AK9: variants seen among roughly 807,000 people sequenced by gnomAD.
AK9 encodes adenylate kinase domain containing 1.
A neutral mutation model predicts 239.6 loss-of-function variants in AK9; 191 were observed. The ratio of observed to expected loss-of-function variants is 0.80; its 90% CI spans 0.71 to 0.90. The LOEUF (loss-of-function observed/expected upper bound fraction) is 0.90. Among genes scored for constraint, AK9 ranks in the 40% least tolerant of loss-of-function variants. AK9 has a pLI of 0.00. For missense variants in AK9, 1,995 were observed against 2,214.7 expected (o/e 0.90, Z 1.99); for synonymous variants, 689 against 721.0 (o/e 0.96, Z 0.71).
chr6:109,497,813 A>G lies in AK9; in HGVS notation c.5199T>C (p.Tyr1733=). The change falls in exon 37 of 41, where the codon TAT becomes TAC. Residue 1733 remains tyrosine (Y), a synonymous_variant. Coordinates refer to ENST00000424296, the MANE Select transcript of AK9 (RefSeq NM_001145128.3). The part of the protein sequence containing the change: ...AELQGYCPVT[Y]KDGNQRYEAL... ...GGACTTGCCTTTGGTTTCCATCCTT[A>G]TAGGTCACTGGACAGTAGCCCTGGA... is the stretch of plus-strand genomic sequence containing the variant. The G allele has an allele frequency of 6.2e-7, 1 of 1,613,740 alleles. No individual in the cohort carries two copies. Among genetic ancestry groups the G allele is most frequent in the Non-Finnish European group, 8.5e-7 (1 of 1,179,702 alleles).
In AK9 at chr6:109,579,572, TTCCAGTA is replaced by T. The variant is rs1379347423; in HGVS notation, c.2162_2168del (p.Leu721HisfsTer3). ...TGCCTTTTGCCTTCACTTTCATAAG[TTCCAGTA>T]GCCTTCGATTTTCTTCTTCGAGTCT... On this transcript the variant is annotated frameshift_variant, in exon 20 of 41. Coordinates refer to ENST00000424296, the MANE Select transcript of AK9 (RefSeq NM_001145128.3). LOFTEE classifies it high-confidence loss of function. The T allele has an allele frequency of 6.4e-7, 1 of 1,551,600 alleles. No individual in the cohort carries two copies. The highest frequency in any genetic ancestry group is 1.2e-5 in the South Asian group (1 of 84,030).
intron 1 of AK9, among the ~76,000 whole-genome samples, chr6:109,678,408 A>G (rs1772073803): frequency 6.6e-6 from 1 of 152,196 alleles, no homozygotes; most frequent in Non-Finnish European, 1.5e-5. Context: ...ACGGGTTAGC[A>G]GGGAGTAGAG....
intron 24 of AK9, among the ~76,000 whole-genome samples, chr6:109,552,198 CTAT>C (rs1329348721): frequency 6.6e-6 from 1 of 151,974 alleles, no homozygotes; most frequent in Non-Finnish European, 1.5e-5. Flanking sequence ...GTGCTTGTGT[CTAT>C]AATAAACACA....
intron 15 of AK9, among the ~76,000 whole-genome samples, chr6:109,613,089 A>G (rs1227329120): frequency 1.3e-5 from 2 of 150,604 alleles, no homozygotes; most frequent in Admixed American, 1.3e-4. Context: ...ATAATAATCT[A>G]TCCTCTCAGA....
At chr6:109,619,308 CTATGTA>C in intron 12 of AK9, 72 bp from the exon 13 acceptor site, 1 of 1,362,356 alleles carries the variant, frequency 7.3e-7, no homozygotes, top group Non-Finnish European at 9.6e-7. Flanking sequence ...GTTCATCTAT[CTATGTA>C]TATCTATCTA....
chr6:109,672,657 G>A (rs1771102486), intron 3 of AK9, among the ~76,000 whole-genome samples: 1 of 152,044 alleles, frequency 6.6e-6, no homozygotes, highest in Non-Finnish European at 1.5e-5. Context: ...CTGCACTCCA[G>A]CCTGGATGAC....
intron 12 of AK9, among the ~76,000 whole-genome samples, chr6:109,621,316 T>C (rs1391638667): frequency 7.3e-5 from 4 of 54,434 alleles, no homozygotes; most frequent in East Asian, 4.1e-4. Context: ...AGTTCAACCA[T>C]TGTGGAAGTC....
chr6:109,565,280 C>A (rs372195910), intron 21 of AK9, among the ~76,000 whole-genome samples: 10 of 151,986 alleles, frequency 6.6e-5, no homozygotes, highest in African/African-American at 2.4e-4. Context: ...AGTTCAAGAC[C>A]AGCCTAGGCA....
At chr6:109,530,338 T>C (rs913139691) in intron 28 of AK9, among the ~76,000 whole-genome samples, 2 of 152,194 alleles carry the variant, frequency 1.3e-5, no homozygotes, top group African/African-American at 4.8e-5. Context: ...GCAAGAATTA[T>C]TTGTAGATAG....
At chr6:109,621,910 A>C (rs1450591879) in intron 12 of AK9, among the ~76,000 whole-genome samples, 3 of 40,056 alleles carry the variant, frequency 7.5e-5, no homozygotes, top group Non-Finnish European at 2.0e-4. Context: ...AAAAAAAAAA[A>C]AACAAAAAAA....
At chr6:109,538,507 G>C (rs546898181) in intron 27 of AK9, among the ~76,000 whole-genome samples, 1 of 151,966 alleles carries the variant, frequency 6.6e-6, no homozygotes, top group African/African-American at 2.4e-5. Context: ...GTCTCTGCAC[G>C]TGAGATGGGT....
At chr6:109,500,879 G>A (rs1777538384) in intron 35 of AK9, among the ~76,000 whole-genome samples, 1 of 152,112 alleles carries the variant, frequency 6.6e-6, no homozygotes, top group Non-Finnish European at 1.5e-5. Context: ...TTAGCCCTCT[G>A]TGGTGGCACA....
intron 20 of AK9, 74 bp downstream of exon 20, chr6:109,579,476 T>C (rs1200864493): frequency 4.3e-6 from 6 of 1,398,974 alleles, no homozygotes; most frequent in Non-Finnish European, 5.9e-6. Flanking sequence ...CAGTCTATAA[T>C]TCACTTGAAA....
intron 19 of AK9, among the ~76,000 whole-genome samples, chr6:109,581,857 G>A (rs1395128426): frequency 2.0e-5 from 3 of 152,150 alleles, no homozygotes; most frequent in Non-Finnish European, 1.5e-5. Context: ...AGAAGTCAAT[G>A]CCTGGCTTCA....
chr6:109,631,121 T>C (rs977307314), intron 12 of AK9, among the ~76,000 whole-genome samples: 9 of 152,132 alleles, frequency 5.9e-5, no homozygotes, highest in Non-Finnish European at 1.2e-4. Context: ...ATCCTCATGA[T>C]GTTTGGGCGG....
At chr6:109,689,470 G>C (rs1277236462) in intron 1 of AK9, among the ~76,000 whole-genome samples, 5 of 152,190 alleles carry the variant, frequency 3.3e-5, no homozygotes, top group Non-Finnish European at 5.9e-5. Flanking sequence ...GGGTAGACTG[G>C]AAGTTCTAGG....
At chr6:109,568,999 G>T (rs1403593319) in intron 21 of AK9, among the ~76,000 whole-genome samples, 2 of 152,012 alleles carry the variant, frequency 1.3e-5, no homozygotes, top group Non-Finnish European at 2.9e-5. Context: ...AGAACAAAGT[G>T]GGAGGCATCA....
chr6:109,500,233 T>C (rs1045349216), intron 35 of AK9, among the ~76,000 whole-genome samples: 15 of 152,278 alleles, frequency 9.9e-5, no homozygotes, highest in South Asian at 8.3e-4. Flanking sequence ...AAACAAACAT[T>C]TATCCAAAAG....
chr6:109,666,643 C>T (rs1166239843), intron 5 of AK9, among the ~76,000 whole-genome samples: 1 of 152,190 alleles, frequency 6.6e-6, no homozygotes, highest in Non-Finnish European at 1.5e-5. Flanking sequence ...ACTTTGCCAC[C>T]ATTTCTTGGC....
Sources: allele counts gnomAD v4.1 joint callset (sites outside exome capture counted in the v4.1 genomes callset), GRCh38; gene constraint gnomAD v4.1.1; transcripts MANE v1.5; gene names NCBI Gene and HGNC (gene_info 2026-07-23, HGNC 2026-07-21).